TMPRSS12: variants seen among roughly 807,000 people sequenced by gnomAD.
TMPRSS12 encodes the protein transmembrane protease serine 12.
A neutral mutation model predicts 26.0 loss-of-function variants in TMPRSS12; 25 were observed. The ratio of observed to expected loss-of-function variants is 0.96; its 90% CI spans 0.70 to 1.34. The LOEUF (loss-of-function observed/expected upper bound fraction) is 1.34, where lower values mean the gene tolerates loss of function less well. Ranked by LOEUF, TMPRSS12 falls within the 40% of genes most tolerant of loss-of-function variation. The probability of loss-of-function intolerance (pLI) is 0.00; values close to 1 mark genes in which losing one functional copy is unlikely to be tolerated. For synonymous variants in TMPRSS12, 150 were observed against 161.7 expected (o/e 0.93, Z 0.55); for missense variants, 441 against 440.1 (o/e 1.00, Z -0.02).
In TMPRSS12 at chr12:50,843,026, A is replaced by G. The variant is rs1555205178; in HGVS notation, c.62A>G (p.Asp21Gly). Residue 21 changes from aspartate (D) to glycine (G), a missense_variant, in exon 1 of 5, where the codon GAC (aspartate) becomes GGC (glycine). Asp to Gly is a moderately conservative substitution (Grantham distance 94). Transcript: ENST00000398458. ...LFVGSSHLYS[D>G]HYSPSGRHRL... ...GTGGGGAGCTCTCACTTATACTCAG[A>G]CCACTACTCGCCCTCTGGAAGGCAC... 1 of 1,606,524 alleles carries G rather than the reference A, an allele frequency of 6.2e-7. No homozygotes were observed.
intron 2 of TMPRSS12, among the ~76,000 whole-genome samples, chr12:50,851,785 G>T (rs1240316023): frequency 6.6e-6 from 1 of 152,128 alleles, no homozygotes; most frequent in South Asian, 2.1e-4. Context: ...AATATTAAAG[G>T]CAACTAGAGA....
chr12:50,885,162 G>A, intron 3 of TMPRSS12, 84 bp from the exon 4 acceptor site: 3 of 1,279,868 alleles, frequency 2.3e-6, no homozygotes, highest in Non-Finnish European at 3.2e-6. Context: ...CAGTCACTTT[G>A]GAAAGAAAAC....
chr12:50,858,953 T>C lies in TMPRSS12; in HGVS notation c.552T>C (p.Asn184=), dbSNP rs1439665254. 6.3e-7 allele frequency: 1 copy of C among 1,592,134 alleles called. No homozygotes were observed. The highest frequency in any genetic ancestry group is 8.6e-7 in the Non-Finnish European group (1 of 1,167,948). ...ACTTAAAAAAAGCAGTGAGGTATAA[T>C]GACTATATTCAGCCTATTTGCCTAC... The part of the protein sequence containing the change: ...LFHLKKAVRY[N]DYIQPICLPF... Residue 184 remains asparagine (N), a synonymous_variant, in exon 3 of 5, where the codon AAT becomes AAC. Transcript: ENST00000398458.
At chr12:50,872,794 G>A (rs1355725003) in intron 3 of TMPRSS12, among the ~76,000 whole-genome samples, 2 of 12,798 alleles carry the variant, frequency 1.6e-4, no homozygotes, top group African/African-American at 8.2e-4. Context: ...TATATATGAC[G>A]TATATATGTA....
chr12:50,887,047 G>A, intron 4 of TMPRSS12: 1 of 504,872 alleles, frequency 2.0e-6, no homozygotes, highest in Non-Finnish European at 3.4e-6. Context: ...TTATCTACCA[G>A]CTATATGGTT....
At position 50,845,044 on chromosome 12, in the gene TMPRSS12, T is replaced by A. The variant is rs574831924; in HGVS notation, c.383+1007T>A. ...TCTATATTTAAAAAAATTGTTAATGTAAAAAACATGCTTTATGGACTGTAT... is the reference window on the plus strand; with the variant it reads ...TCTATATTTAAAAAAATTGTTAATGAAAAAAACATGCTTTATGGACTGTAT... On this transcript the variant is annotated intron_variant, in intron 2 of 4. Transcript: ENST00000398458. Among the ~76,000 whole-genome samples the A allele has an allele frequency of 7.9e-5, 12 of 152,256 alleles. No homozygotes were observed. The South Asian group carries it at 2.5e-3, about 32-fold the overall frequency.
chr12:50,881,421 A>G (rs1938162699), intron 3 of TMPRSS12, among the ~76,000 whole-genome samples: 1 of 152,178 alleles, frequency 6.6e-6, no homozygotes, highest in African/African-American at 2.4e-5. Context: ...ACTCAACTGC[A>G]TTGGTACAAT....
intron 2 of TMPRSS12, among the ~76,000 whole-genome samples, chr12:50,846,099 C>G: frequency 6.6e-6 from 1 of 152,162 alleles, no homozygotes; most frequent in Non-Finnish European, 1.5e-5. Context: ...TCTTTTCACT[C>G]TCGATATTGT....
chr12:50,868,507 A>C (rs556290075), intron 3 of TMPRSS12, among the ~76,000 whole-genome samples: 2 of 152,328 alleles, frequency 1.3e-5, no homozygotes, highest in South Asian at 4.1e-4. Flanking sequence ...AACAATTACT[A>C]ATAGACCTAA....
At chr12:50,853,706 T>C (rs926623058) in intron 2 of TMPRSS12, among the ~76,000 whole-genome samples, 1 of 151,596 alleles carries the variant, frequency 6.6e-6, no homozygotes, top group Admixed American at 6.6e-5. Context: ...ATTATGAACA[T>C]CTGAATGTAC....
chr12:50,845,007 C>T (rs954217134), intron 2 of TMPRSS12, among the ~76,000 whole-genome samples: 3 of 152,078 alleles, frequency 2.0e-5, no homozygotes, highest in Non-Finnish European at 4.4e-5. Context: ...GGAAATATAG[C>T]GAGACCCTGT....
At position 50,843,915 on chromosome 12, in the gene TMPRSS12, C is replaced by A. The variant is rs1309304663; in HGVS notation, c.261C>A (p.Gly87=). The change falls in exon 2 of 5, where the codon GGC becomes GGA. Residue 87 remains glycine, a synonymous_variant. Coordinates refer to ENST00000398458, the MANE Select transcript of TMPRSS12 (RefSeq NM_182559.3). ...RIIGGTEAQA[G]AWPWVVSLQI... Reference sequence around the variant, plus strand: ...TAGGGGGCACCGAAGCACAAGCTGGCGCATGGCCGTGGGTGGTGAGCCTGC... The same window carrying A: ...TAGGGGGCACCGAAGCACAAGCTGGAGCATGGCCGTGGGTGGTGAGCCTGC... 8 of 1,582,568 alleles carry A rather than the reference C, an allele frequency of 5.1e-6. No individual in the cohort carries two copies. Among genetic ancestry groups the A allele is most frequent in the Admixed American group, 1.8e-5 (1 of 54,480 alleles).
chr12:50,843,654 G>A (rs1469010405), intron 1 of TMPRSS12, among the ~76,000 whole-genome samples, 188 bp from the exon 2 acceptor site: 1 of 152,084 alleles, frequency 6.6e-6, no homozygotes, highest in African/African-American at 2.4e-5. Flanking sequence ...CTATTTGTAA[G>A]TAATCGATTA....
At chr12:50,857,784 GTTT>G (rs869239293) in intron 2 of TMPRSS12, among the ~76,000 whole-genome samples, 17 of 133,004 alleles carry the variant, frequency 1.3e-4, no homozygotes, top group African/African-American at 1.8e-4. Context: ...TTCTGGTTTA[GTTT>G]TTTGTTGTTG....
At chr12:50,882,286 TAAAAA>T (rs59323134) in intron 3 of TMPRSS12, among the ~76,000 whole-genome samples, 2,466 of 58,456 alleles carry the variant, frequency 0.042, 102 homozygotes, top group African/African-American at 0.17. Context: ...CCCATCTCTC[TAAAAA>T]AAAAAAAAAA....
At position 50,843,117 on chromosome 12, in the gene TMPRSS12, C is replaced by CCGG; in HGVS notation, c.160_162dup (p.Arg55dup). The CCGG allele has an allele frequency of 1.9e-6, 3 of 1,576,066 alleles. No homozygotes were observed. The highest frequency in any genetic ancestry group is 2.6e-6 in the Non-Finnish European group (3 of 1,160,718). On this transcript the variant is annotated inframe_insertion, in exon 1 of 5. Coordinates refer to ENST00000398458, the MANE Select transcript of TMPRSS12 (RefSeq NM_182559.3). ...AGGCTGAGGCCGTCCGCAAGAGGCTCCGGCGGCGGAGGGAGGGAGGGGCGC... is the reference window on the plus strand; with the variant it reads ...AGGCTGAGGCCGTCCGCAAGAGGCTCCGGCGGCGGCGGAGGGAGGGAGGGGCGC...
At chr12:50,849,213 A>G (rs894702022) in intron 2 of TMPRSS12, among the ~76,000 whole-genome samples, 3 of 152,126 alleles carry the variant, frequency 2.0e-5, no homozygotes, top group Non-Finnish European at 2.9e-5. Context: ...AATTATCTCT[A>G]TGTAACTGGA....
chr12:50,878,653 A>C (rs916706949), intron 3 of TMPRSS12, among the ~76,000 whole-genome samples: 1 of 152,240 alleles, frequency 6.6e-6, no homozygotes, highest in South Asian at 2.1e-4. Context: ...AAAAAACCTT[A>C]TATTTATGGC....
chr12:50,859,402 G>C (rs1264641679), intron 3 of TMPRSS12, among the ~76,000 whole-genome samples: 2 of 152,054 alleles, frequency 1.3e-5, no homozygotes, highest in African/African-American at 4.8e-5. Flanking sequence ...TTTTAGTAGA[G>C]ACGGGGTTTC....
Sources: gnomAD v4.1 joint callset for allele counts (sites outside exome capture counted in the v4.1 genomes callset) on GRCh38, gnomAD v4.1.1 for gene constraint, MANE v1.5 for transcripts, NCBI Gene and HGNC (gene_info 2026-07-23, HGNC 2026-07-21) for gene names.